Variants in HCN1 observed in about 807,000 individuals in gnomAD.
HCN1 encodes potassium/sodium hyperpolarization-activated cyclic nucleotide-gated channel 1.
A neutral mutation model predicts 78.9 loss-of-function variants in HCN1; 13 were observed. That is an observed-to-expected ratio of 0.16 (90% CI 0.11 to 0.26). HCN1 has a LOEUF of 0.26. Ranked by LOEUF, HCN1 falls within the 10% of genes least tolerant of loss-of-function variation. HCN1 has a pLI of 1.00. For synonymous variants in HCN1, 552 were observed against 455.5 expected (o/e 1.21, Z -2.70); for missense variants, 810 against 1,154.3 (o/e 0.70, Z 4.32).
chr5:45,330,955 C>G (rs1299256407), intron 5 of HCN1, among the ~76,000 whole-genome samples: 1 of 151,022 alleles, frequency 6.6e-6, no homozygotes, highest in Admixed American at 6.6e-5. Flanking sequence ...ATTTTATATG[C>G]CTTTGTATCT....
chr5:45,339,512 C>A (rs1489748051), intron 5 of HCN1, among the ~76,000 whole-genome samples: 1 of 152,120 alleles, frequency 6.6e-6, no homozygotes, highest in East Asian at 1.9e-4. Context: ...AAGACTAAGG[C>A]AGGCCATGAA....
intron 5 of HCN1, among the ~76,000 whole-genome samples, chr5:45,346,541 C>G (rs144634082): frequency 6.6e-6 from 1 of 152,068 alleles, no homozygotes; most frequent in Non-Finnish European, 1.5e-5. Flanking sequence ...GCACCATGAG[C>G]GAGCTGAAGC....
intron 3 of HCN1, among the ~76,000 whole-genome samples, chr5:45,407,190 T>C (rs1739942698): frequency 6.6e-6 from 1 of 152,090 alleles, no homozygotes; most frequent in African/African-American, 2.4e-5. Flanking sequence ...TCAGCAGTGG[T>C]TCTATAAGAA....
intron 6 of HCN1, 110 bp downstream of exon 6, chr5:45,303,489 C>T (rs992066974): frequency 5.8e-6 from 6 of 1,028,390 alleles, no homozygotes; most frequent in Middle Eastern, 2.1e-4. Flanking sequence ...AATTCACATA[C>T]AGGTTTACAT....
intron 6 of HCN1, among the ~76,000 whole-genome samples, chr5:45,286,221 C>G (rs921902267): frequency 6.6e-6 from 1 of 151,610 alleles, no homozygotes; most frequent in Non-Finnish European, 1.5e-5. Flanking sequence ...AAAATATATA[C>G]CTTATTAGAA....
At chr5:45,408,375 T>C (rs1739966239) in intron 3 of HCN1, among the ~76,000 whole-genome samples, 1 of 152,154 alleles carries the variant, frequency 6.6e-6, no homozygotes, top group Non-Finnish European at 1.5e-5. Context: ...TTTTTTATAC[T>C]GTATTTTTAT....
chr5:45,272,688 C>T (rs1464767378), intron 6 of HCN1, among the ~76,000 whole-genome samples: 2 of 151,972 alleles, frequency 1.3e-5, no homozygotes, highest in African/African-American at 2.4e-5. Flanking sequence ...CTTTGAGGAA[C>T]ATAACATATC....
At chr5:45,520,553 T>G (rs1313517150) in intron 2 of HCN1, among the ~76,000 whole-genome samples, 1 of 152,064 alleles carries the variant, frequency 6.6e-6, no homozygotes, top group East Asian at 1.9e-4. Context: ...CTTATTTTCA[T>G]GTTCACTTTC....
At chr5:45,551,546 A>G (rs1743370384) in intron 2 of HCN1, among the ~76,000 whole-genome samples, 1 of 151,966 alleles carries the variant, frequency 6.6e-6, no homozygotes, top group Admixed American at 6.6e-5. Context: ...AAGATGGATA[A>G]AAGTTTTCTT....
At chr5:45,565,825 T>G (rs1176180505) in intron 2 of HCN1, among the ~76,000 whole-genome samples, 1 of 152,020 alleles carries the variant, frequency 6.6e-6, no homozygotes, top group Admixed American at 6.6e-5. Context: ...ACAACAATAA[T>G]AATAATAATT....
intron 4 of HCN1, among the ~76,000 whole-genome samples, chr5:45,389,914 A>T (rs1182982069): frequency 6.6e-6 from 1 of 152,162 alleles, no homozygotes; most frequent in Non-Finnish European, 1.5e-5. Flanking sequence ...TTTTCAAAGG[A>T]TATCCCTTTA....
intron 1 of HCN1, among the ~76,000 whole-genome samples, chr5:45,669,554 C>G (rs1428898245): frequency 6.6e-6 from 1 of 151,750 alleles, no homozygotes; most frequent in African/African-American, 2.4e-5. Context: ...TATAGAGGAA[C>G]ATGAGTCCTC....
At position 45,591,342 on chromosome 5, in the gene HCN1, C is replaced by T. The variant is rs148958403; in HGVS notation, c.849+53843G>A. On this transcript the variant is annotated intron_variant, in intron 2 of 7. Coordinates refer to ENST00000303230, the MANE Select transcript of HCN1 (RefSeq NM_021072.4). ...GAATGTTTAGTTTTTTAAGGAACTA[C>T]TTGTTGTCTTCCAAAGTGGCTGTGC... is the stretch of plus-strand genomic sequence containing the variant. 2.0e-3 allele frequency among the ~76,000 whole-genome samples: 310 copies of T among 152,250 alleles called. 2 individuals carry two copies. The highest frequency in any genetic ancestry group is 7.1e-3 in the African/African-American group (297 of 41,546).
chr5:45,624,589 A>G (rs1429423278), intron 2 of HCN1, among the ~76,000 whole-genome samples: 2 of 151,982 alleles, frequency 1.3e-5, no homozygotes, highest in African/African-American at 4.8e-5. Flanking sequence ...GTTTAACAGG[A>G]AAAAAAAGTG....
chr5:45,593,522 C>T (rs1744428173), intron 2 of HCN1, among the ~76,000 whole-genome samples: 1 of 151,908 alleles, frequency 6.6e-6, no homozygotes, highest in Non-Finnish European at 1.5e-5. Flanking sequence ...ATGGGAATAT[C>T]CACATGTTTA....
chr5:45,470,016 A>G (rs79126497), intron 2 of HCN1, among the ~76,000 whole-genome samples: 91 of 152,162 alleles, frequency 6.0e-4, no homozygotes, highest in Non-Finnish European at 1.0e-3. Context: ...GCACCATTTG[A>G]TAGGTGAACT....
rs372983134 is a variant in HCN1, at chr5:45,668,384, C to T, written c.426-22776G>A. 4.0e-5 allele frequency among the ~76,000 whole-genome samples: 6 copies of T among 151,828 alleles called. No homozygotes were observed. The East Asian group carries it at 1.2e-3, about 30-fold the overall frequency. ...TGGTTTAAAAGTGTAGCACCTCCTCCCTCAATCTCTCTCTCCTGCCACCAC... is the reference window on the plus strand; with the variant it reads ...TGGTTTAAAAGTGTAGCACCTCCTCTCTCAATCTCTCTCTCCTGCCACCAC... On this transcript the variant is annotated intron_variant, in intron 1 of 7. Coordinates refer to ENST00000303230, the MANE Select transcript of HCN1 (RefSeq NM_021072.4).
chr5:45,605,211 T>C (rs1340158120), intron 2 of HCN1, among the ~76,000 whole-genome samples: 3 of 151,586 alleles, frequency 2.0e-5, no homozygotes, highest in African/African-American at 7.3e-5. Flanking sequence ...TGGGTACCTT[T>C]ATTTGTGAAT....
intron 1 of HCN1, among the ~76,000 whole-genome samples, chr5:45,677,147 A>G (rs1580045108): frequency 6.6e-6 from 1 of 151,836 alleles, no homozygotes; most frequent in East Asian, 1.9e-4. Context: ...ATTAGATGAA[A>G]CCCCTAGCTC....
Sources: gnomAD v4.1 joint callset for allele counts (sites outside exome capture counted in the v4.1 genomes callset) on GRCh38, gnomAD v4.1.1 for gene constraint, MANE v1.5 for transcripts, NCBI Gene and HGNC (gene_info 2026-07-23, HGNC 2026-07-21) for gene names.